The following EPB41 variants were observed in gnomAD, a reference collection of about 807,000 sequenced individuals.
EPB41 encodes erythrocyte membrane protein band 4.1.
A neutral mutation model predicts 108.0 loss-of-function variants in EPB41; 65 were observed. The ratio of observed to expected loss-of-function variants is 0.60; its 90% CI spans 0.49 to 0.74. The LOEUF is 0.74. Ranked by LOEUF, EPB41 falls within the 30% of genes least tolerant of loss-of-function variation. The pLI is 0.00. For missense variants in EPB41, 875 were observed against 1,037.0 expected (o/e 0.84, Z 2.15); for synonymous variants, 336 against 358.9 (o/e 0.94, Z 0.72).
chr1:29,086,011 GT>G (rs769787609), intron 16 of EPB41, among the ~76,000 whole-genome samples: 4 of 151,996 alleles, frequency 2.6e-5, no homozygotes, highest in Non-Finnish European at 5.9e-5. Context: ...ATTTTTTACT[GT>G]TTTTAAAAGG....
chr1:28,993,562 C>G lies in EPB41; in HGVS notation c.681+20C>G. On this transcript the variant is annotated intron_variant, in intron 3 of 20. Coordinates refer to ENST00000343067, the MANE Select transcript of EPB41 (RefSeq NM_001376013.1). ...GTGGAGGTGAGTATGTTTTCATTTC[C>G]AACAATCAGAACTCTTACAGGTGGT... 6.2e-7 allele frequency: 1 copy of G among 1,610,494 alleles called. No homozygotes were observed. The highest frequency in any genetic ancestry group is 1.1e-5 in the South Asian group (1 of 90,836).
chr1:28,976,280 G>A (rs1171651472), intron 1 of EPB41, among the ~76,000 whole-genome samples: 1 of 152,126 alleles, frequency 6.6e-6, no homozygotes, highest in Non-Finnish European at 1.5e-5. Flanking sequence ...AGTGGTTTAA[G>A]GCATGTAGAA....
upstream of EPB41, among the ~76,000 whole-genome samples, chr1:28,910,479 C>T (rs903017588): frequency 3.3e-5 from 5 of 152,162 alleles, no homozygotes; most frequent in African/African-American, 1.2e-4. Flanking sequence ...TCTCTTGCCA[C>T]CCTCCACAAC....
chr1:29,039,153 A>G, intron 10 of EPB41, 101 bp from the exon 11 acceptor site: 1 of 1,318,488 alleles, frequency 7.6e-7, no homozygotes. Flanking sequence ...AAACCCTGAG[A>G]ATTGTGAAAC....
intron 19 of EPB41, among the ~76,000 whole-genome samples, chr1:29,112,782 G>T (rs1306853362): frequency 1.3e-5 from 2 of 152,168 alleles, no homozygotes; most frequent in Non-Finnish European, 2.9e-5. Flanking sequence ...CAGGGTTGTT[G>T]TGAGAATCAG....
chr1:29,012,484 C>G (rs928509827), intron 5 of EPB41, among the ~76,000 whole-genome samples: 7 of 152,166 alleles, frequency 4.6e-5, no homozygotes, highest in African/African-American at 7.2e-5. Context: ...AGCTCTAACT[C>G]TAATGTATAG....
At chr1:29,080,715 C>T (rs1410704265) in intron 16 of EPB41, among the ~76,000 whole-genome samples, 1 of 152,174 alleles carries the variant, frequency 6.6e-6, no homozygotes, top group East Asian at 1.9e-4. Context: ...TAATAAATCC[C>T]TATGCACATG....
chr1:28,984,360 C>T (rs943460618), intron 1 of EPB41, among the ~76,000 whole-genome samples: 5 of 152,156 alleles, frequency 3.3e-5, no homozygotes, highest in Non-Finnish European at 7.3e-5. Context: ...GCCCCTTTGT[C>T]TGTATCAATA....
At position 28,887,600 on chromosome 1, in the gene EPB41, T is replaced by C. The variant is rs998485019; in HGVS notation, c.-8+390T>C. 5 of 985,024 alleles carry C rather than the reference T, an allele frequency of 5.1e-6. No homozygotes were observed. The highest frequency in any genetic ancestry group is 4.8e-6 in the Non-Finnish European group (4 of 829,770). 61.0% of individuals were successfully genotyped at this position (985,024 alleles called of 1,614,324 possible). A position where few individuals can be genotyped will look rare whatever the true frequency, so the allele number is the denominator to read the frequency against. ...TAGCCCCGCCTTGCCCGGCCCCGCA[T>C]GCTCCTGCCGGGCCCGCAGCAGCGC... On this transcript the variant is annotated intron_variant, in intron 1 of 16. Transcript: ENST00000347529. This position sits in a 1 kb window ranked among gnomAD's most constrained non-coding sequence, Gnocchi z 4.9.
chr1:28,972,146 T>C (rs2095510366), intron 1 of EPB41, among the ~76,000 whole-genome samples: 1 of 152,178 alleles, frequency 6.6e-6, no homozygotes, highest in South Asian at 2.1e-4. Flanking sequence ...CAGACTGATC[T>C]TGAACTCCTA....
intron 16 of EPB41, chr1:29,072,494 A>G (rs762369715): frequency 2.0e-5 from 3 of 152,120 alleles, no homozygotes; most frequent in Admixed American, 6.6e-5. Flanking sequence ...CTTTTTATTA[A>G]TTACTATTGT....
In EPB41 at chr1:29,075,535, G is replaced by C. The variant is rs564286387; in HGVS notation, c.2184+10377G>C. Among the ~76,000 whole-genome samples, 3 of 152,224 alleles carry C rather than the reference G, an allele frequency of 2.0e-5. No individual in the cohort carries two copies. The South Asian group carries it at 6.2e-4, about 32-fold the overall frequency. Reference sequence around the variant, plus strand: ...GTCTTACCCTTTAACATAGAATCCTGTTTTGGGTAAATGATAGAATAACTC... The same window carrying C: ...GTCTTACCCTTTAACATAGAATCCTCTTTTGGGTAAATGATAGAATAACTC... On this transcript the variant is annotated intron_variant, in intron 16 of 20. Coordinates refer to ENST00000343067, the MANE Select transcript of EPB41 (RefSeq NM_001376013.1).
chr1:29,069,254 C>T, intron 16 of EPB41: 1 of 1,231,642 alleles, frequency 8.1e-7, no homozygotes, highest in Non-Finnish European at 1.0e-6. Context: ...AGAAGGCTAG[C>T]TCAACTGAGA....
chr1:29,014,926 G>T (rs937666809), intron 5 of EPB41, among the ~76,000 whole-genome samples: 1 of 152,050 alleles, frequency 6.6e-6, no homozygotes, highest in Non-Finnish European at 1.5e-5. Flanking sequence ...TGGGAGTATC[G>T]CATGAGCCCA....
intron 1 of EPB41, among the ~76,000 whole-genome samples, chr1:28,973,529 A>G (rs2149334790): frequency 1.3e-5 from 2 of 152,206 alleles, no homozygotes; most frequent in African/African-American, 4.8e-5. Context: ...AGCTATGACT[A>G]CAGGCATGCA....
intron 1 of EPB41, among the ~76,000 whole-genome samples, chr1:28,898,043 A>G (rs557167317): frequency 1.3e-4 from 20 of 152,284 alleles, no homozygotes; most frequent in African/African-American, 4.6e-4. Context: ...TTCTAGGTAC[A>G]GGGAATGGCA....
At chr1:29,087,803 A>C (rs1402497460) in intron 16 of EPB41, among the ~76,000 whole-genome samples, 1 of 152,200 alleles carries the variant, frequency 6.6e-6, no homozygotes, top group Non-Finnish European at 1.5e-5. Context: ...GAAAGCCTTT[A>C]GGAAAAAAAA....
chr1:28,988,694 T>A (rs1371808054), intron 2 of EPB41, among the ~76,000 whole-genome samples: 1 of 152,066 alleles, frequency 6.6e-6, no homozygotes, highest in Non-Finnish European at 1.5e-5. Context: ...AATGTAGTCA[T>A]TGGAAACTTA....
intron 1 of EPB41, among the ~76,000 whole-genome samples, chr1:28,953,656 A>C (rs1273240970): frequency 6.6e-6 from 1 of 152,240 alleles, no homozygotes; most frequent in Non-Finnish European, 1.5e-5. Flanking sequence ...TTTTCCAATG[A>C]AGGTGACATT....
Sources: allele counts gnomAD v4.1 joint callset (sites outside exome capture counted in the v4.1 genomes callset), GRCh38; gene constraint gnomAD v4.1.1; non-coding constraint Gnocchi (gnomAD v3.1); transcripts MANE v1.5; gene names NCBI Gene and HGNC (gene_info 2026-07-23, HGNC 2026-07-21).